WNK1: variants seen among roughly 807,000 people sequenced by gnomAD.
WNK1 encodes the protein serine/threonine-protein kinase WNK1.
WNK1 carries 38 observed loss-of-function variants against 222.8 expected under a neutral mutation model. The observed-to-expected ratio is 0.17, with a 90% CI of 0.13 to 0.22. The LOEUF is 0.22. Ranked by LOEUF, WNK1 falls within the 10% of genes least tolerant of loss-of-function variation. The pLI, the probability that WNK1 is intolerant of heterozygous loss-of-function variation, is 1.00. For synonymous variants in WNK1, 1,090 were observed against 1,092.9 expected, an observed-to-expected ratio of 1.00 and a Z score of 0.05; for missense variants, 2,348 against 2,918.4, an observed-to-expected ratio of 0.80 and a Z score of 4.50.
At position 857,149 on chromosome 12, in the gene WNK1, T is replaced by A; in HGVS notation, c.1312-12T>A. On this transcript the variant is annotated splice_polypyrimidine_tract_variant and intron_variant, in intron 4 of 27. Coordinates refer to ENST00000315939, the MANE Select transcript of WNK1 (RefSeq NM_018979.4). ...CTGCTTTTATTAATGTATTTCTGTTTATGGTTTTCAGGGGGTGAAGCCAGC... is the reference window on the plus strand; with the variant it reads ...CTGCTTTTATTAATGTATTTCTGTTAATGGTTTTCAGGGGGTGAAGCCAGC... 6.2e-7 allele frequency: 1 copy of A among 1,613,674 alleles called. No individual in the cohort carries two copies. The highest frequency in any genetic ancestry group is 8.5e-7 in the Non-Finnish European group (1 of 1,179,632).
chr12:901,971 A>G (rs1343559022), intron 26 of WNK1, among the ~76,000 whole-genome samples: 1 of 152,098 alleles, frequency 6.6e-6, no homozygotes, highest in Non-Finnish European at 1.5e-5. Flanking sequence ...CCACAGTCGT[A>G]GTCAGTGCTG....
At position 880,703 on chromosome 12, in the gene WNK1, T is replaced by A; in HGVS notation, c.2833-18T>A. On this transcript the variant is annotated intron_variant, in intron 11 of 27. Coordinates refer to ENST00000315939, the MANE Select transcript of WNK1 (RefSeq NM_018979.4). Reference sequence around the variant, plus strand: ...ACCCCCAACCTGCTCTAACTCACCTTCCTCATTTCTGTCACAGGGCTTCCC... The same window carrying A: ...ACCCCCAACCTGCTCTAACTCACCTACCTCATTTCTGTCACAGGGCTTCCC... The A allele has an allele frequency of 2.5e-6, 4 of 1,613,362 alleles. No individual in the cohort carries two copies. Among genetic ancestry groups the A allele is most frequent in the Non-Finnish European group, 3.4e-6 (4 of 1,179,932 alleles).
At position 785,077 on chromosome 12, in the gene WNK1, T is replaced by C. The variant is rs113686337; in HGVS notation, c.760-28565T>C. Among the ~76,000 whole-genome samples the C allele has an allele frequency of 7.7e-3, 1,179 of 152,330 alleles. 12 individuals carry two copies. Among genetic ancestry groups the C allele is most frequent in the African/African-American group, 0.025 (1,036 of 41,574 alleles). On this transcript the variant is annotated intron_variant, in intron 1 of 27. Coordinates refer to ENST00000315939, the MANE Select transcript of WNK1 (RefSeq NM_018979.4). ...TTTTAAAGACATTTATTCTATTTTC[T>C]TCTAGCTTCCAGTATTGCTGTTAAA...
intron 2 of WNK1, among the ~76,000 whole-genome samples, chr12:815,138 G>T (rs1473511535): frequency 2.0e-5 from 3 of 152,166 alleles, no homozygotes; most frequent in African/African-American, 4.8e-5. Flanking sequence ...CCTGCTGTGT[G>T]GCCAGGTTCC....
intron 1 of WNK1, among the ~76,000 whole-genome samples, chr12:773,613 C>T (rs560592445): frequency 6.6e-6 from 1 of 152,260 alleles, no homozygotes; most frequent in African/African-American, 2.4e-5. Context: ...TTGCCTGTTC[C>T]TCCCTCTCAT....
intron 26 of WNK1, chr12:901,417 T>A (rs1955246997): frequency 2.6e-6 from 1 of 383,808 alleles, no homozygotes; most frequent in Non-Finnish European, 4.6e-6. Context: ...ATCTCTTACA[T>A]ATCTGACCTT....
At chr12:777,529 C>G (rs778905701) in intron 1 of WNK1, among the ~76,000 whole-genome samples, 1 of 152,120 alleles carries the variant, frequency 6.6e-6, no homozygotes. Flanking sequence ...TAGAGTTAGG[C>G]ACTTGTGTTA....
chr12:884,061 C>CT lies in WNK1; in HGVS notation c.3722-59dup. ...CAGTTGTATGTGCCAATAATGAAGT[C>CT]TAACAATATTTATAATAATAATGCT... On this transcript the variant is annotated intron_variant, in intron 17 of 27. Coordinates refer to ENST00000315939, the MANE Select transcript of WNK1 (RefSeq NM_018979.4). The surrounding 1 kb of genome is among the most constrained non-coding windows in gnomAD (Gnocchi z 5.6). 1 of 1,609,086 alleles carries CT rather than the reference C, an allele frequency of 6.2e-7. No individual in the cohort carries two copies. Among genetic ancestry groups the CT allele is most frequent in the South Asian group, 1.1e-5 (1 of 90,452 alleles).
In WNK1 at chr12:865,321, G is replaced by A. The variant is rs769105175; in HGVS notation, c.2139+3051G>A. On this transcript the variant is annotated intron_variant, in intron 8 of 27. Transcript: ENST00000315939. Reference sequence around the variant, plus strand: ...CTGCCTATGCACTCTGCCTCTCAGCGCAAGCACCGACGCTCCAGCCTGCCT... The same window carrying A: ...CTGCCTATGCACTCTGCCTCTCAGCACAAGCACCGACGCTCCAGCCTGCCT... 74 of 1,535,942 alleles carry A rather than the reference G, an allele frequency of 4.8e-5. No individual in the cohort carries two copies. The highest frequency in any genetic ancestry group is 3.7e-4 in the East Asian group (15 of 40,930).
At chr12:864,971 CAAA>C in intron 8 of WNK1, 1 of 997,442 alleles carries the variant, frequency 1.0e-6, no homozygotes, top group Admixed American at 3.2e-5. Flanking sequence ...TAGCTCTCCT[CAAA>C]AAAAAAACTG....
At chr12:812,069 G>A (rs1018996365) in intron 1 of WNK1, among the ~76,000 whole-genome samples, 2 of 152,150 alleles carry the variant, frequency 1.3e-5, no homozygotes, top group African/African-American at 2.4e-5. Context: ...GAAGTCCCCC[G>A]TTTTTTTCCC....
At chr12:891,550 A>C (rs1954229314) in intron 22 of WNK1, among the ~76,000 whole-genome samples, 1 of 152,086 alleles carries the variant, frequency 6.6e-6, no homozygotes, top group African/African-American at 2.4e-5. Context: ...ACCAAAGATG[A>C]AATATTATAT....
chr12:790,304 A>C (rs193088342), intron 1 of WNK1, among the ~76,000 whole-genome samples: 1 of 152,234 alleles, frequency 6.6e-6, no homozygotes, highest in Admixed American at 6.5e-5. Flanking sequence ...GGGTCTTGCT[A>C]TGTTGACCAA....
Position 765,156 on chromosome 12 carries a change from A to C in WNK1, c.759+10832A>C, listed in dbSNP as rs906525728. On this transcript the variant is annotated intron_variant, in intron 1 of 27. Transcript: ENST00000315939. ...TTATGTGGCTATTTAAATTTAAATA[A>C]ATTAAAATGAAATTTTTAGAACTTC... is the stretch of plus-strand genomic sequence containing the variant. 3.4e-5 allele frequency among the ~76,000 whole-genome samples: 5 copies of C among 148,118 alleles called. 1 individual carries two copies. The highest frequency in any genetic ancestry group is 2.2e-4 in the South Asian group (1 of 4,546).
rs565918890 is a variant in WNK1 at position 810,933 on chromosome 12, ATCCTTGGTTTTGC to A, written c.760-2706_760-2694del. 2.6e-5 allele frequency among the ~76,000 whole-genome samples: 4 copies of A among 152,240 alleles called. No homozygotes were observed. The South Asian group carries it at 8.3e-4, about 32-fold the overall frequency. On this transcript the variant is annotated intron_variant, in intron 1 of 27. Transcript: ENST00000315939. ...GTTATGAAGAGGTCATGTGACACGGATCCTTGGTTTTGCTCATTTATCCTGTCAAAACAACTTA... is the reference window on the plus strand; with the variant it reads ...GTTATGAAGAGGTCATGTGACACGGATCATTTATCCTGTCAAAACAACTTA...
At chr12:767,235 T>C (rs1029076138) in intron 1 of WNK1, among the ~76,000 whole-genome samples, 3 of 3,854 alleles carry the variant, frequency 7.8e-4, no homozygotes, top group South Asian at 8.2e-3. Context: ...GGTTGATAGG[T>C]TTTTTTTTTT....
chr12:805,700 G>A (rs1445637733), intron 1 of WNK1, among the ~76,000 whole-genome samples: 6 of 152,190 alleles, frequency 3.9e-5, no homozygotes, highest in African/African-American at 7.2e-5. Flanking sequence ...ACATTAGGAC[G>A]TGCCAAACTA....
At chr12:889,479 GGATTTC>G (rs1370487192) in intron 21 of WNK1, among the ~76,000 whole-genome samples, 3 of 152,134 alleles carry the variant, frequency 2.0e-5, no homozygotes, top group Non-Finnish European at 4.4e-5. Flanking sequence ...TCAATTCTAT[GGATTTC>G]GTATTTTTGT....
At chr12:854,102 T>C (rs1428368247) in intron 4 of WNK1, among the ~76,000 whole-genome samples, 2 of 151,868 alleles carry the variant, frequency 1.3e-5, no homozygotes, top group African/African-American at 4.8e-5. Context: ...TTGTGTTAGC[T>C]CATGCCAGTA....
Sources: gnomAD v4.1 joint callset for allele counts (sites outside exome capture counted in the v4.1 genomes callset) on GRCh38, gnomAD v4.1.1 for gene constraint, Gnocchi (gnomAD v3.1) non-coding constraint, MANE v1.5 for transcripts, NCBI Gene and HGNC (gene_info 2026-07-23, HGNC 2026-07-21) for gene names.